The following MYO5B variants were observed in gnomAD, a reference collection of about 807,000 sequenced individuals.
MYO5B encodes myosin VB.
Under a neutral mutation model 229.3 loss-of-function variants are expected in MYO5B, and 143 were observed. The observed-to-expected ratio is 0.62, with a 90% confidence interval of 0.54 to 0.72. The LOEUF (loss-of-function observed/expected upper bound fraction) is 0.72. Ranked by LOEUF, MYO5B falls within the 30% of genes least tolerant of loss-of-function variation. The pLI, the probability that MYO5B is intolerant of heterozygous loss-of-function variation, is 0.00. For synonymous variants in MYO5B, 918 were observed against 885.2 expected, an observed-to-expected ratio of 1.04 and a Z score of -0.66; for missense variants, 2,321 against 2,331.0, an observed-to-expected ratio of 1.00 and a Z score of 0.09.
chr18:50,147,159 C>A (rs1396716679), intron 1 of MYO5B, among the ~76,000 whole-genome samples: 1 of 152,168 alleles, frequency 6.6e-6, no homozygotes. Context: ...ACAGGCCAAC[C>A]CTACCCTGTT....
chr18:49,875,798 G>T lies in MYO5B; in HGVS notation c.3426C>A (p.Asp1142Glu), dbSNP rs957096119. 4 of 1,614,142 alleles carry T rather than the reference G, an allele frequency of 2.5e-6. No homozygotes were observed. Among genetic ancestry groups the T allele is most frequent in the Non-Finnish European group, 3.4e-6 (4 of 1,180,006 alleles). ...TCTGCAGCTTCAGGAAGACCGTCAT[G>T]TCCATGGCTGCCTTCTCCAGGCCAA... ...EEIGLEKAAM[D>E]MTVFLKLQKR... The change falls in exon 26 of 40, where the codon GAC becomes GAA. Residue 1142 changes from aspartate to glutamate, a missense_variant. Transcript: ENST00000285039.
chr18:49,992,452 A>C, intron 5 of MYO5B, 21 bp from the exon 6 acceptor site: 2 of 1,614,124 alleles, frequency 1.2e-6, no homozygotes, highest in Non-Finnish European at 1.7e-6. Flanking sequence ...CAGACAGACA[A>C]AGGTATGAAA....
chr18:50,143,571 T>C (rs1295804261), intron 1 of MYO5B, among the ~76,000 whole-genome samples: 3 of 152,166 alleles, frequency 2.0e-5, no homozygotes, highest in African/African-American at 7.2e-5. Context: ...ATCACACCAA[T>C]ATTTATCTGG....
intron 27 of MYO5B, among the ~76,000 whole-genome samples, chr18:49,869,123 C>T (rs2024429546): frequency 6.6e-6 from 1 of 152,190 alleles, no homozygotes; most frequent in African/African-American, 2.4e-5. Flanking sequence ...TTTGACTTAC[C>T]TGCTCAGGTA....
At chr18:49,871,172 C>T (rs766351838) in intron 27 of MYO5B, among the ~76,000 whole-genome samples, 1 of 152,128 alleles carries the variant, frequency 6.6e-6, no homozygotes, top group Non-Finnish European at 1.5e-5. Flanking sequence ...TGAAATAAGC[C>T]AATTACAAAA....
At chr18:50,192,222 G>A (rs1052391908) in intron 1 of MYO5B, among the ~76,000 whole-genome samples, 8 of 152,186 alleles carry the variant, frequency 5.3e-5, no homozygotes, top group African/African-American at 1.4e-4. Context: ...CGCACTTGAT[G>A]GATACCAAAA....
At chr18:50,180,752 A>G (rs571820636) in intron 1 of MYO5B, among the ~76,000 whole-genome samples, 1 of 152,326 alleles carries the variant, frequency 6.6e-6, no homozygotes, top group South Asian at 2.1e-4. Context: ...GATACCTCAT[A>G]TAAGTGGAAA....
rs116591610 is a variant in MYO5B, at chr18:49,953,139, G to C, written c.1752+121C>G. Reference sequence around the variant, plus strand: ...TCATACCGAAATGACCAACAAACCCGTTGGCCTCCTCCCTGCCCAGCATCT... The same window carrying C: ...TCATACCGAAATGACCAACAAACCCCTTGGCCTCCTCCCTGCCCAGCATCT... On this transcript the variant is annotated intron_variant, in intron 14 of 39. Coordinates refer to ENST00000285039, the MANE Select transcript of MYO5B (RefSeq NM_001080467.3). 377 of 862,620 alleles carry C rather than the reference G, an allele frequency of 4.4e-4. No individual in the cohort carries two copies. In the African/African-American group the frequency reaches 5.7e-3, roughly 13 times the overall value. 53.4% of individuals were successfully genotyped at this position (862,620 alleles called of 1,614,324 possible). A position where few individuals can be genotyped will look rare whatever the true frequency, so the allele number is the denominator to read the frequency against.
intron 1 of MYO5B, among the ~76,000 whole-genome samples, chr18:50,104,288 A>ATATATATATATATATATATCTATCTATC (rs1031683380): frequency 6.9e-6 from 1 of 144,750 alleles, no homozygotes; most frequent in African/African-American, 2.6e-5. Context: ...ATATATATAT[A>ATATATATATATATATATATCTATCTATC]TATCTCATAA....
intron 2 of MYO5B, among the ~76,000 whole-genome samples, chr18:50,050,200 AAAG>A (rs1247687711): frequency 3.3e-5 from 5 of 152,206 alleles, no homozygotes; most frequent in South Asian, 2.1e-4. Context: ...TGGCCAGCTA[AAAG>A]AAGAAGTAAT....
At chr18:49,864,429 C>T (rs2144080921) in intron 27 of MYO5B, 49 bp from the exon 28 acceptor site, 5 of 1,604,276 alleles carry the variant, frequency 3.1e-6, no homozygotes, top group East Asian at 2.2e-5. Context: ...CCCTAGGGCT[C>T]TCTCCCTGTG....
intron 1 of MYO5B, 67 bp downstream of exon 1, chr18:50,194,700 C>T: frequency 8.4e-7 from 1 of 1,191,508 alleles, no homozygotes; most frequent in Non-Finnish European, 1.2e-6. Context: ...GAAGGCGACC[C>T]TGAGTACTAG....
intron 1 of MYO5B, among the ~76,000 whole-genome samples, chr18:50,169,798 A>G (rs953476203): frequency 7.8e-6 from 1 of 127,646 alleles, no homozygotes; most frequent in Non-Finnish European, 1.7e-5. Flanking sequence ...AAAACACAGT[A>G]TTTTAAAGAA....
intron 22 of MYO5B, among the ~76,000 whole-genome samples, chr18:49,888,688 C>G (rs937078077): frequency 3.9e-5 from 6 of 152,204 alleles, no homozygotes; most frequent in Non-Finnish European, 8.8e-5. Flanking sequence ...CCTAACTCGA[C>G]CTGGGTGGGC....
intron 17 of MYO5B, among the ~76,000 whole-genome samples, chr18:49,927,687 G>T (rs1378044068): frequency 6.6e-6 from 1 of 152,188 alleles, no homozygotes; most frequent in Non-Finnish European, 1.5e-5. Context: ...TAATTGGCTA[G>T]CCACATGTAG....
At chr18:49,887,468 C>T (rs796623344) in intron 22 of MYO5B, among the ~76,000 whole-genome samples, 23 of 152,096 alleles carry the variant, frequency 1.5e-4, no homozygotes, top group African/African-American at 4.6e-4. Flanking sequence ...ACTGAGTTCA[C>T]GTGAGATCTG....
At position 49,875,721 on chromosome 18, in the gene MYO5B, TC is replaced by T. The variant is rs1290546936; in HGVS notation, c.3502del (p.Glu1168ArgfsTer20). The T allele has an allele frequency of 3.7e-6, 6 of 1,614,044 alleles. No homozygotes were observed. The highest frequency in any genetic ancestry group is 5.1e-6 in the Non-Finnish European group (6 of 1,180,020). On this transcript the variant is annotated frameshift_variant, in exon 26 of 40. Transcript: ENST00000285039. LOFTEE classifies it high-confidence loss of function. ...CTTGCTGTCCTGCTGTTCTCTCTTC[TC>T]CAGCTGCACTTGCAGCTTTTTCCTC... The part of the protein sequence containing the change: ...QERKKLQVQL[E>X]KREQQDSKKV...
chr18:50,167,290 G>A (rs2032865551), intron 1 of MYO5B, among the ~76,000 whole-genome samples: 1 of 152,196 alleles, frequency 6.6e-6, no homozygotes, highest in African/African-American at 2.4e-5. Context: ...ATGAAGCAAT[G>A]TGCTGGGTGC....
At chr18:49,827,545 C>T (rs762412906) in intron 39 of MYO5B, among the ~76,000 whole-genome samples, 1 of 152,076 alleles carries the variant, frequency 6.6e-6, no homozygotes, top group Non-Finnish European at 1.5e-5. Context: ...GAAAAATTCA[C>T]TAGAGAAGTT....
Sources: gnomAD v4.1 joint callset for allele counts (sites outside exome capture counted in the v4.1 genomes callset) on GRCh38, gnomAD v4.1.1 for gene constraint, MANE v1.5 for transcripts, NCBI Gene and HGNC (gene_info 2026-07-23, HGNC 2026-07-21) for gene names.